PLEKHG1: variants seen among roughly 807,000 people sequenced by gnomAD.
The protein encoded by PLEKHG1 is pleckstrin homology and RhoGEF domain containing G1.
A neutral mutation model predicts 100.8 loss-of-function variants in PLEKHG1; 44 were observed. The ratio of observed to expected loss-of-function variants is 0.44; its 90% CI spans 0.34 to 0.56. The LOEUF (loss-of-function observed/expected upper bound fraction) is 0.56, where lower values mean the gene tolerates loss of function less well. PLEKHG1 is among the 20% of genes least tolerant of loss of function. PLEKHG1 has a pLI of 0.01. For synonymous variants in PLEKHG1, 640 were observed against 662.5 expected, an observed-to-expected ratio of 0.97 and a Z score of 0.52; for missense variants, 1,545 against 1,720.9, an observed-to-expected ratio of 0.90 and a Z score of 1.81.
intron 2 of PLEKHG1, among the ~76,000 whole-genome samples, chr6:150,758,860 T>C (rs1783997062): frequency 6.6e-6 from 1 of 152,252 alleles, no homozygotes; most frequent in Non-Finnish European, 1.5e-5. Context: ...CATCTTTCTC[T>C]TCATTTCTGA....
intron 10 of PLEKHG1, among the ~76,000 whole-genome samples, chr6:150,815,388 A>G (rs1157171134): frequency 6.6e-6 from 1 of 152,258 alleles, no homozygotes; most frequent in Non-Finnish European, 1.5e-5. Flanking sequence ...TCTTGAAGTC[A>G]GCTTTACAGA....
At chr6:150,608,196 T>C (rs1044974010) in intron 1 of PLEKHG1, among the ~76,000 whole-genome samples, 2 of 152,240 alleles carry the variant, frequency 1.3e-5, no homozygotes, top group African/African-American at 2.4e-5. Context: ...AAAAGCATCC[T>C]TATTATGAAA....
At chr6:150,708,713 A>G (rs62434146) in intron 3 of PLEKHG1, among the ~76,000 whole-genome samples, 6,715 of 152,298 alleles carry the variant, frequency 0.044, 203 homozygotes, top group Non-Finnish European at 0.069. Flanking sequence ...TCTATATATC[A>G]TAGGAGCATA....
chr6:150,613,391 CTT>C lies in PLEKHG1; in HGVS notation c.-204+13376_-204+13377del, dbSNP rs529592245. Among the ~76,000 whole-genome samples the C allele has an allele frequency of 2.1e-3, 318 of 148,380 alleles. 3 individuals carry two copies. The highest frequency in any genetic ancestry group is 7.3e-3 in the African/African-American group (295 of 40,244). On this transcript the variant is annotated intron_variant, in intron 1 of 3. Coordinates refer to the PLEKHG1 transcript ENST00000367326. ...TACATCTGCTTAGTGAAAACAGAGA[CTT>C]TGTGTGGCTATGATATTTCCAGTGC...
At chr6:150,725,232 G>A (rs1781902191) in intron 1 of PLEKHG1, among the ~76,000 whole-genome samples, 1 of 152,068 alleles carries the variant, frequency 6.6e-6, no homozygotes, top group Admixed American at 6.6e-5. Flanking sequence ...TCTTTTATAA[G>A]GGCATTAATC....
chr6:150,827,066 A>AT (rs1776650776), intron 14 of PLEKHG1, among the ~76,000 whole-genome samples: 2 of 70,406 alleles, frequency 2.8e-5, no homozygotes, highest in South Asian at 4.4e-4. Flanking sequence ...TCTTTATTAA[A>AT]TTTTTTTGTA....
At position 150,683,140 on chromosome 6, in the gene PLEKHG1, G is replaced by GAGACAC. The variant is rs1351698082; in HGVS notation, c.-99+32356_-99+32361dup. ...ACATTAGGCCCTAAGAGACTCCAGA[G>GAGACAC]AGACACATGGCCCGAGTCAACCTTA... On this transcript the variant is annotated intron_variant, in intron 3 of 3. Coordinates refer to the PLEKHG1 transcript ENST00000367326. This position sits in a 1 kb window ranked among gnomAD's most constrained non-coding sequence, Gnocchi z 4.0. Among the ~76,000 whole-genome samples the GAGACAC allele has an allele frequency of 6.6e-6, 1 of 152,236 alleles. No individual in the cohort carries two copies.
Position 150,683,057 on chromosome 6 carries a change from A to G in PLEKHG1, c.-99+32271A>G, listed in dbSNP as rs1490183217. ...GCGCATCTTAACAGTTGACAACTAC[A>G]TCATCACAGCTTGACACACGTTTCT... On this transcript the variant is annotated intron_variant, in intron 3 of 3. Coordinates refer to the PLEKHG1 transcript ENST00000367326. This position sits in a 1 kb window ranked among gnomAD's most constrained non-coding sequence, Gnocchi z 4.0. Among the ~76,000 whole-genome samples the G allele has an allele frequency of 2.0e-5, 3 of 152,236 alleles. No individual in the cohort carries two copies. Among genetic ancestry groups the G allele is most frequent in the Admixed American group, 2.0e-4 (3 of 15,284 alleles).
At chr6:150,830,025 C>T (rs1275271456) in intron 14 of PLEKHG1, among the ~76,000 whole-genome samples, 1 of 152,110 alleles carries the variant, frequency 6.6e-6, no homozygotes. Context: ...CAAATGTACA[C>T]CAGACTTACT....
At chr6:150,619,041 C>T (rs1777186043) in intron 1 of PLEKHG1, among the ~76,000 whole-genome samples, 1 of 152,130 alleles carries the variant, frequency 6.6e-6, no homozygotes, top group Admixed American at 6.5e-5. Context: ...TGTGATTGCA[C>T]CACGCACTCC....
chr6:150,728,367 G>A (rs1782063727), intron 1 of PLEKHG1, among the ~76,000 whole-genome samples: 1 of 152,172 alleles, frequency 6.6e-6, no homozygotes, highest in Admixed American at 6.5e-5. Flanking sequence ...GCCAAGATGG[G>A]AGGATCACTT....
exon 16 of PLEKHG1, chr6:150,840,006 A>G (rs773455130): frequency 1.9e-6 from 3 of 1,614,014 alleles, no homozygotes; most frequent in Non-Finnish European, 2.5e-6. Context: ...TTCAACCTAT[A>G]GTAATGGAGA....
At chr6:150,620,761 G>A (rs1358259407) in intron 1 of PLEKHG1, among the ~76,000 whole-genome samples, 1 of 152,168 alleles carries the variant, frequency 6.6e-6, no homozygotes, top group African/African-American at 2.4e-5. Context: ...GGATATAAGG[G>A]AGACAGAACG....
At chr6:150,691,972 G>A (rs1039688223) in intron 3 of PLEKHG1, among the ~76,000 whole-genome samples, 1 of 152,246 alleles carries the variant, frequency 6.6e-6, no homozygotes, top group African/African-American at 2.4e-5. Flanking sequence ...GACCAGGGGT[G>A]GATCCAGGTT....
chr6:150,787,965 T>C (rs1343581752), intron 4 of PLEKHG1, among the ~76,000 whole-genome samples: 1 of 152,186 alleles, frequency 6.6e-6, no homozygotes, highest in Non-Finnish European at 1.5e-5. Context: ...TAAAAAGATA[T>C]GCTGGGTATA....
chr6:150,818,211 C>T (rs763376233), exon 11 of PLEKHG1: 3 of 1,601,112 alleles, frequency 1.9e-6, no homozygotes, highest in East Asian at 4.5e-5. Context: ...GAAATGGATG[C>T]CATTCGTAAG....
intron 2 of PLEKHG1, among the ~76,000 whole-genome samples, chr6:150,646,485 G>A (rs1200738937): frequency 1.3e-5 from 2 of 152,060 alleles, no homozygotes; most frequent in African/African-American, 2.4e-5. Flanking sequence ...GCCAGAAGGA[G>A]GGTAGATGGA....
At chr6:150,785,128 T>C (rs73612874) in intron 3 of PLEKHG1, among the ~76,000 whole-genome samples, 3,435 of 152,102 alleles carry the variant, frequency 0.023, 134 homozygotes, top group African/African-American at 0.079. Context: ...ATACCTAAAG[T>C]TGAAAAATAA....
chr6:150,749,901 G>A (rs529723172), intron 2 of PLEKHG1, among the ~76,000 whole-genome samples: 9 of 151,822 alleles, frequency 5.9e-5, no homozygotes, highest in African/African-American at 9.7e-5. Context: ...GTGAAACCCC[G>A]TCTCTACTAA....
Sources: allele counts gnomAD v4.1 joint callset (sites outside exome capture counted in the v4.1 genomes callset), GRCh38; gene constraint gnomAD v4.1.1; non-coding constraint Gnocchi (gnomAD v3.1); transcripts MANE v1.5; gene names NCBI Gene and HGNC (gene_info 2026-07-23, HGNC 2026-07-21).